COG7: variants seen among roughly 807,000 people sequenced by gnomAD.
The protein encoded by COG7 is component of oligomeric golgi complex 7.
In COG7, 49 loss-of-function variants were observed where a neutral mutation model predicts 91.5. The ratio of observed to expected loss-of-function variants is 0.54; its 90% confidence interval spans 0.43 to 0.68. COG7 has a LOEUF of 0.68. COG7 is among the 30% of genes least tolerant of loss of function. COG7 has a pLI of 0.00. For synonymous variants in COG7, 365 were observed against 388.7 expected, an observed-to-expected ratio of 0.94 and a Z score of 0.72; for missense variants, 895 against 961.3, an observed-to-expected ratio of 0.93 and a Z score of 0.91.
intron 14 of COG7, 145 bp from the exon 15 acceptor site, chr16:23,393,492 G>A (rs1220261718): frequency 1.0e-5 from 7 of 680,098 alleles, no homozygotes; most frequent in East Asian, 2.7e-5. Flanking sequence ...AGTATGTGGC[G>A]ATGCTTGTTA....
chr16:23,399,186 G>A (rs77925709), intron 13 of COG7, among the ~76,000 whole-genome samples: 51 of 152,218 alleles, frequency 3.4e-4, no homozygotes, highest in Non-Finnish European at 6.9e-4. Flanking sequence ...GCTCAGCCTC[G>A]GCAGCCCTCC....
At chr16:23,401,416 T>C (rs1963374825) in intron 13 of COG7, among the ~76,000 whole-genome samples, 1 of 152,114 alleles carries the variant, frequency 6.6e-6, no homozygotes, top group Non-Finnish European at 1.5e-5. Context: ...TAATGAACTC[T>C]GGAATGCAGA....
chr16:23,453,107 A>G lies in COG7; in HGVS notation c.-113T>C, dbSNP rs1828277022. On this transcript the variant is annotated 5_prime_UTR_variant, in exon 1 of 17. Transcript: ENST00000307149. ...GCACCGAGGCTAGCCTCCGAGGCGAACCCCAGAAACGCCAGGACGGGTAAC... is the reference window on the plus strand; with the variant it reads ...GCACCGAGGCTAGCCTCCGAGGCGAGCCCCAGAAACGCCAGGACGGGTAAC... The G allele has an allele frequency of 6.5e-7, 1 of 1,534,836 alleles. No individual in the cohort carries two copies. Among genetic ancestry groups the G allele is most frequent in the Non-Finnish European group, 8.8e-7 (1 of 1,138,008 alleles).
At chr16:23,410,183 C>T (rs1446658182) in intron 11 of COG7, 112 bp downstream of exon 11, 1 of 805,462 alleles carries the variant, frequency 1.2e-6, no homozygotes, top group African/African-American at 1.7e-5. Flanking sequence ...AGTCCTCCAG[C>T]CCTGTGGCCT....
At chr16:23,392,000 C>T (rs1367011982) in intron 16 of COG7, 11 of 1,186,078 alleles carry the variant, frequency 9.3e-6, no homozygotes, top group African/African-American at 6.4e-5. Flanking sequence ...ACGATGGGTG[C>T]GAGTGCTTGG....
chr16:23,421,159 T>A (rs1342523705), intron 7 of COG7, among the ~76,000 whole-genome samples: 1 of 151,762 alleles, frequency 6.6e-6, no homozygotes, highest in Non-Finnish European at 1.5e-5. Context: ...AAAAATTTAC[T>A]TTATATTGCA....
chr16:23,435,124 G>A (rs1315565569), intron 4 of COG7, among the ~76,000 whole-genome samples: 1 of 152,210 alleles, frequency 6.6e-6, no homozygotes, highest in African/African-American at 2.4e-5. Flanking sequence ...AGCACTTTGG[G>A]AGGCTAAGGC....
At chr16:23,444,996 T>C in intron 3 of COG7, 52 bp downstream of exon 3, 1 of 1,366,872 alleles carries the variant, frequency 7.3e-7, no homozygotes, top group Non-Finnish European at 1.0e-6. Flanking sequence ...TCTCCAAACC[T>C]CAAGTTCTTG....
Position 23,446,445 on chromosome 16 carries a change from CTT to C in COG7, c.170-486_170-485del, listed in dbSNP as rs34254755. The C allele has an allele frequency of 5.7e-3, 643 of 112,738 alleles. 1 individual carries two copies. The highest frequency in any genetic ancestry group is 0.014 in the South Asian group (49 of 3,432). 7.0% of individuals were successfully genotyped at this position (112,738 alleles called of 1,614,324 possible). A position where few individuals can be genotyped will look rare whatever the true frequency, so the allele number is the denominator to read the frequency against. ...GGCCCCAATGCCTGCTTTCCATGGT[CTT>C]TTTTTTTTTTTTTTTTTTTTTTGAT... is the stretch of plus-strand genomic sequence containing the variant. On this transcript the variant is annotated intron_variant, in intron 1 of 16. Coordinates refer to ENST00000307149, the MANE Select transcript of COG7 (RefSeq NM_153603.4).
In COG7 at chr16:23,388,924, T is replaced by C; in HGVS notation, c.2309A>G (p.Tyr770Cys). 1 of 1,613,986 alleles carries C rather than the reference T, an allele frequency of 6.2e-7. No homozygotes were observed. The highest frequency in any genetic ancestry group is 1.7e-5 in the Admixed American group (1 of 60,020). ...GTGGTCCGGTGTGTGGTGGGGTCAG[T>C]AATTCACACTCCGCATGGTGGCCAC... ...TTVATMRSVN[Y>C] The change falls in exon 17 of 17, where the codon TAC (tyrosine) becomes TGC (cysteine). Residue 770 changes from tyrosine to cysteine, a missense_variant. By Grantham distance (194) the Tyr-to-Cys change is radical (BLOSUM62 -2). Coordinates refer to ENST00000307149, the MANE Select transcript of COG7 (RefSeq NM_153603.4).
Position 23,424,742 on chromosome 16 carries a change from T to A in COG7, c.1009+7A>T. The A allele has an allele frequency of 6.2e-7, 1 of 1,614,002 alleles. No individual in the cohort carries two copies. The highest frequency in any genetic ancestry group is 8.5e-7 in the Non-Finnish European group (1 of 1,179,904). ...AAGCTAGAGAACTGGCAGGAAGGAA[T>A]GTTTACGTAGGTGGGGGAGCAGTGC... On this transcript the variant is annotated splice_region_variant and intron_variant, in intron 7 of 16. Coordinates refer to ENST00000307149, the MANE Select transcript of COG7 (RefSeq NM_153603.4).
intron 4 of COG7, among the ~76,000 whole-genome samples, chr16:23,436,966 G>A (rs1401818046): frequency 6.6e-6 from 1 of 152,148 alleles, no homozygotes; most frequent in Non-Finnish European, 1.5e-5. Flanking sequence ...GCCACAATGG[G>A]TGGGGAAGCT....
intron 4 of COG7, among the ~76,000 whole-genome samples, chr16:23,438,775 T>C (rs956879743): frequency 1.3e-5 from 2 of 150,928 alleles, no homozygotes; most frequent in Non-Finnish European, 2.9e-5. Context: ...TGTGGAGAAA[T>C]TGGAACCCTT....
At chr16:23,396,237 G>C (rs976259749) in intron 14 of COG7, among the ~76,000 whole-genome samples, 1 of 152,170 alleles carries the variant, frequency 6.6e-6, no homozygotes, top group Admixed American at 6.5e-5. Flanking sequence ...GGAAGGGCCC[G>C]GGCCTGGAAA....
intron 4 of COG7, among the ~76,000 whole-genome samples, chr16:23,440,609 T>C (rs968320075): frequency 1.3e-5 from 2 of 151,876 alleles, no homozygotes; most frequent in African/African-American, 4.8e-5. Context: ...AAGCGTGCGC[T>C]ACCATGCCTA....
rs112898005 is a variant in COG7 at position 23,418,464 on chromosome 16, G to A, written c.1137+236C>T. On this transcript the variant is annotated intron_variant, in intron 8 of 16. Transcript: ENST00000307149. ...AGGCTGCAGTGAGTTGTAATCAATC[G>A]CACCACTACACTCCAGCCTGGGCGA... 6.8e-3 allele frequency among the ~76,000 whole-genome samples: 1,034 copies of A among 152,202 alleles called. 11 individuals carry two copies. Among genetic ancestry groups the A allele is most frequent in the African/African-American group, 0.023 (961 of 41,524 alleles).
chr16:23,418,854 A>C (rs745893566), intron 7 of COG7, 27 bp from the exon 8 acceptor site: 2 of 1,608,770 alleles, frequency 1.2e-6, no homozygotes, highest in Non-Finnish European at 1.7e-6. Flanking sequence ...ATGTAAAACG[A>C]TAATGAACAA....
At chr16:23,431,120 G>A (rs1369673703) in intron 6 of COG7, among the ~76,000 whole-genome samples, 3 of 152,138 alleles carry the variant, frequency 2.0e-5, no homozygotes, top group Non-Finnish European at 4.4e-5. Context: ...AGCAAATAGA[G>A]CAAAATGCAC....
intron 5 of COG7, 25 bp from the exon 6 acceptor site, chr16:23,433,692 C>G: frequency 6.2e-7 from 1 of 1,613,556 alleles, no homozygotes; most frequent in Non-Finnish European, 8.5e-7. Flanking sequence ...CAAAGGGAAC[C>G]TTATTGGGTA....
Sources: gnomAD v4.1 joint callset for allele counts (sites outside exome capture counted in the v4.1 genomes callset) on GRCh38, gnomAD v4.1.1 for gene constraint, MANE v1.5 for transcripts, NCBI Gene and HGNC (gene_info 2026-07-23, HGNC 2026-07-21) for gene names.